Variants in MTG1 observed in about 807,000 individuals in gnomAD.
The protein encoded by MTG1 is mitochondrial ribosome associated GTPase 1.
Under a neutral mutation model 39.5 loss-of-function variants are expected in MTG1, and 30 were observed. The observed-to-expected ratio is 0.76, with a 90% confidence interval of 0.57 to 1.03. The LOEUF (loss-of-function observed/expected upper bound fraction) is 1.03, where lower values mean the gene tolerates loss of function less well. Among genes scored for constraint, MTG1 ranks in the 50% least tolerant of loss-of-function variants. MTG1 has a pLI of 0.00. For missense variants in MTG1, 513 were observed against 447.4 expected (o/e 1.15, Z -1.32); for synonymous variants, 217 against 179.0 (o/e 1.21, Z -1.69).
chr10:133,404,858 G>A (rs570587635), intron 9 of MTG1, among the ~76,000 whole-genome samples: 1 of 152,092 alleles, frequency 6.6e-6, no homozygotes, highest in East Asian at 1.9e-4. Flanking sequence ...CATATACGTG[G>A]GTCTGTTTGT....
intron 3 of MTG1, 107 bp downstream of exon 3, chr10:133,396,374 C>G (rs1430425641): frequency 6.1e-6 from 6 of 985,838 alleles, no homozygotes; most frequent in Non-Finnish European, 9.5e-6. Flanking sequence ...TTTGCCCAGG[C>G]AGGCTCTGCT....
chr10:133,400,199 AAAAG>A (rs1228979549), intron 6 of MTG1, among the ~76,000 whole-genome samples: 6 of 152,164 alleles, frequency 3.9e-5, no homozygotes, highest in Admixed American at 2.6e-4. Context: ...CTCAAAAAAA[AAAAG>A]AAAAGAAAAG....
rs559996074 is a variant in MTG1 at position 133,398,847 on chromosome 10, G to T, written c.364-323G>T. Among the ~76,000 whole-genome samples the T allele has an allele frequency of 4.6e-5, 7 of 152,130 alleles. No homozygotes were observed. The South Asian group carries it at 1.5e-3, about 32-fold the overall frequency. On this transcript the variant is annotated intron_variant, in intron 4 of 10. Coordinates refer to ENST00000317502, the MANE Select transcript of MTG1 (RefSeq NM_138384.4). ...TAGTTACAGCTGTCACTGAAGCCCC[G>T]GGTCTGCCCTGCTTGTTTTTGATGG...
chr10:133,407,876 C>G (rs1389575167), intron 9 of MTG1, among the ~76,000 whole-genome samples: 1 of 152,164 alleles, frequency 6.6e-6, no homozygotes, highest in African/African-American at 2.4e-5. Context: ...GGCCTGATTT[C>G]TTTTTCCGAT....
At chr10:133,408,376 A>G (rs1849999077) in intron 9 of MTG1, among the ~76,000 whole-genome samples, 1 of 152,202 alleles carries the variant, frequency 6.6e-6, no homozygotes, top group Admixed American at 6.5e-5. Context: ...TGCATATGTT[A>G]AACCATCCTT....
At chr10:133,395,031 A>G (rs1215334029) in intron 1 of MTG1, among the ~76,000 whole-genome samples, 2 of 152,120 alleles carry the variant, frequency 1.3e-5, no homozygotes, top group African/African-American at 2.4e-5. Context: ...TTAGGGGACT[A>G]TCGTCATCAT....
chr10:133,394,844 GC>G, intron 1 of MTG1: 1 of 683,898 alleles, frequency 1.5e-6, no homozygotes, highest in Non-Finnish European at 1.8e-6. Flanking sequence ...TCTGGGGCCA[GC>G]CCAGCCCGTC....
At chr10:133,418,652 G>A (rs1208655020) in intron 9 of MTG1, among the ~76,000 whole-genome samples, 1 of 152,144 alleles carries the variant, frequency 6.6e-6, no homozygotes, top group Non-Finnish European at 1.5e-5. Flanking sequence ...CTTGGGGTGA[G>A]TCCTCTGTTA....
intron 1 of MTG1, chr10:133,394,872 C>A: frequency 2.4e-6 from 1 of 417,392 alleles, no homozygotes; most frequent in Non-Finnish European, 3.2e-6. Flanking sequence ...TTGTGATGGC[C>A]ACTCCTGCGT....
chr10:133,410,055 C>CT (rs1319229802), intron 9 of MTG1, among the ~76,000 whole-genome samples: 2 of 151,648 alleles, frequency 1.3e-5, no homozygotes, highest in African/African-American at 4.8e-5. Flanking sequence ...GTGTTTTTTG[C>CT]TTGTTTTTGA....
intron 1 of MTG1, among the ~76,000 whole-genome samples, chr10:133,395,108 T>C (rs73391317): frequency 0.028 from 4,310 of 152,154 alleles, 88 homozygotes; most frequent in African/African-American, 0.052. Flanking sequence ...TTAAGACCCG[T>C]GGAAGGGCCC....
Position 133,394,474 on chromosome 10 carries a change from C to G in MTG1, c.112+142C>G, listed in dbSNP as rs1589906250. The G allele has an allele frequency of 2.2e-6, 3 of 1,334,284 alleles. No homozygotes were observed. The East Asian group carries it at 9.4e-5, about 42-fold the overall frequency. 82.7% of individuals were successfully genotyped at this position (1,334,284 alleles called of 1,614,324 possible). A position where few individuals can be genotyped will look rare whatever the true frequency, so the allele number is the denominator to read the frequency against. On this transcript the variant is annotated intron_variant, in intron 1 of 10. Transcript: ENST00000317502. ...CCTCCTCCCTTGTCTCCCCTCCTTC[C>G]CCGCTCTCACCCGCTCCCGGAGCCG...
chr10:133,415,013 A>G (rs895150724), intron 9 of MTG1, among the ~76,000 whole-genome samples: 2 of 152,220 alleles, frequency 1.3e-5, no homozygotes, highest in Non-Finnish European at 2.9e-5. Context: ...AAAAAATACG[A>G]AAACCAGTCA....
intron 9 of MTG1, among the ~76,000 whole-genome samples, chr10:133,404,967 C>T (rs991221120): frequency 6.6e-6 from 1 of 152,210 alleles, no homozygotes; most frequent in Non-Finnish European, 1.5e-5. Context: ...GTAGCCCCCA[C>T]TCTTCTTTGT....
At chr10:133,416,854 C>T (rs1850140648) in intron 9 of MTG1, among the ~76,000 whole-genome samples, 1 of 151,706 alleles carries the variant, frequency 6.6e-6, no homozygotes, top group South Asian at 2.1e-4. Context: ...AATAATGCCG[C>T]AATAAACACA....
intron 3 of MTG1, among the ~76,000 whole-genome samples, chr10:133,396,776 T>C (rs1849789558): frequency 6.6e-6 from 1 of 152,152 alleles, no homozygotes; most frequent in Non-Finnish European, 1.5e-5. Flanking sequence ...CATACAGAGA[T>C]AGGAGCTGAG....
intron 3 of MTG1, 149 bp downstream of exon 3, chr10:133,396,416 G>A (rs1849784005): frequency 2.9e-6 from 2 of 687,358 alleles, no homozygotes; most frequent in Admixed American, 2.7e-5. Context: ...GCAGAAGCGT[G>A]CCAGCATCGT....
rs1179540588 is a variant in MTG1 at position 133,419,469 on chromosome 10, C to T, written c.753-11C>T. 1.3e-6 allele frequency: 2 copies of T among 1,580,686 alleles called. No homozygotes were observed. The highest frequency in any genetic ancestry group is 8.6e-7 in the Non-Finnish European group (1 of 1,163,562). The stretch of plus-strand genomic sequence containing the variant: ...TGGGCCCCCTGGTGCTGACCTGCAG[C>T]CTATGTGCAGGTACGTGCAGCACTA... On this transcript the variant is annotated splice_polypyrimidine_tract_variant and intron_variant, in intron 9 of 10. Coordinates refer to ENST00000317502, the MANE Select transcript of MTG1 (RefSeq NM_138384.4).
At position 133,412,391 on chromosome 10, in the gene MTG1, C is replaced by T. The variant is rs1037170699; in HGVS notation, c.753-7089C>T. Among the ~76,000 whole-genome samples, 6 of 152,190 alleles carry T rather than the reference C, an allele frequency of 3.9e-5. No individual in the cohort carries two copies. In the East Asian group the frequency reaches 1.2e-3, roughly 29 times the overall value. ...TGATTTTTGTATATTGATCTTGTAT[C>T]TTGTAACCCTGCTAAACTCATTTAT... On this transcript the variant is annotated intron_variant, in intron 9 of 10. Transcript: ENST00000317502.
Sources: allele counts gnomAD v4.1 joint callset (sites outside exome capture counted in the v4.1 genomes callset), GRCh38; gene constraint gnomAD v4.1.1; transcripts MANE v1.5; gene names NCBI Gene and HGNC (gene_info 2026-07-23, HGNC 2026-07-21).